ATP9B: variants seen among roughly 807,000 people sequenced by gnomAD.
ATP9B encodes the protein ATPase phospholipid transporting 9B, also known as probable phospholipid-transporting ATPase IIB.
ATP9B carries 110 observed loss-of-function variants against 146.1 expected under a neutral mutation model. The ratio of observed to expected loss-of-function variants is 0.75; its 90% confidence interval spans 0.65 to 0.88. The LOEUF is 0.88. ATP9B is among the 40% of genes least tolerant of loss of function. The pLI is 0.00. For synonymous variants in ATP9B, 604 were observed against 569.7 expected (o/e 1.06, Z -0.86); for missense variants, 1,499 against 1,496.4 (o/e 1.00, Z -0.03).
chr18:79,112,447 A>G (rs1209945762), intron 3 of ATP9B, among the ~76,000 whole-genome samples: 2 of 152,176 alleles, frequency 1.3e-5, no homozygotes, highest in Middle Eastern at 3.2e-3. Flanking sequence ...ATTTAAAGTG[A>G]AAACCAAAAC....
At chr18:79,336,151 G>A (rs537468771) in intron 17 of ATP9B, among the ~76,000 whole-genome samples, 5 of 149,168 alleles carry the variant, frequency 3.4e-5, no homozygotes, top group Admixed American at 2.7e-4. Context: ...CCCCAGCACC[G>A]CCGTGTGCAC....
At chr18:79,317,372 TTGTAGGAAATG>T (rs1386571698) in intron 15 of ATP9B, among the ~76,000 whole-genome samples, 1 of 152,088 alleles carries the variant, frequency 6.6e-6, no homozygotes, top group African/African-American at 2.4e-5. Context: ...AGCCAGAGAC[TTGTAGGAAATG>T]TTTGCAGAAT....
intron 8 of ATP9B, among the ~76,000 whole-genome samples, chr18:79,190,729 A>G (rs1371464889): frequency 6.6e-6 from 1 of 152,102 alleles, no homozygotes; most frequent in African/African-American, 2.4e-5. Context: ...TATTTTTAGT[A>G]GAGACGGAGT....
chr18:79,371,751 G>C (rs535135773), intron 26 of ATP9B, among the ~76,000 whole-genome samples: 33 of 152,304 alleles, frequency 2.2e-4, no homozygotes, highest in African/African-American at 7.9e-4. Context: ...GCTGTCTTCT[G>C]TGTCCCCTGA....
At chr18:79,371,201 C>T (rs1183210012) in intron 26 of ATP9B, among the ~76,000 whole-genome samples, 2 of 151,904 alleles carry the variant, frequency 1.3e-5, no homozygotes. Context: ...GTGAAACCCC[C>T]TCTCTACTGA....
chr18:79,102,469 C>T (rs1355129544), intron 2 of ATP9B, among the ~76,000 whole-genome samples: 2 of 152,096 alleles, frequency 1.3e-5, no homozygotes, highest in African/African-American at 4.8e-5. Context: ...CTGTCTGTGG[C>T]CTTGGTTCTG....
intron 11 of ATP9B, among the ~76,000 whole-genome samples, chr18:79,246,294 CGGAGGGCACCGCCCTACTGACTGA>C (rs1196388444): frequency 1.1e-4 from 9 of 84,338 alleles, no homozygotes; most frequent in South Asian, 9.1e-4. Flanking sequence ...ACTGTCTGTG[CGGAGGGCACCGCCCTACTGACTGA>C]GGAGGGCACC....
At chr18:79,275,545 A>G (rs149402475) in intron 12 of ATP9B, among the ~76,000 whole-genome samples, 2 of 152,242 alleles carry the variant, frequency 1.3e-5, no homozygotes, top group Non-Finnish European at 2.9e-5. Context: ...TTTGGCAGGC[A>G]GCAGTTCACA....
chr18:79,167,079 G>A (rs114985389), intron 7 of ATP9B, among the ~76,000 whole-genome samples: 31 of 152,280 alleles, frequency 2.0e-4, no homozygotes, highest in African/African-American at 6.7e-4. Context: ...GCTAGGAACC[G>A]CAGATCCCCA....
chr18:79,234,002 G>A (rs1225733614), intron 11 of ATP9B, among the ~76,000 whole-genome samples: 1 of 152,176 alleles, frequency 6.6e-6, no homozygotes, highest in Non-Finnish European at 1.5e-5. Context: ...CTGAGGAGGA[G>A]GAGGAAGGAG....
chr18:79,324,627 C>G (rs1599990683), intron 15 of ATP9B, among the ~76,000 whole-genome samples: 1 of 152,182 alleles, frequency 6.6e-6, no homozygotes, highest in African/African-American at 2.4e-5. Context: ...GGAGGACCAA[C>G]AGGTGCTGAC....
rs549389870 is a variant in ATP9B, at chr18:79,069,964, G to C, written c.119+435G>C. On this transcript the variant is annotated intron_variant, in intron 1 of 29. Coordinates refer to ENST00000426216, the MANE Select transcript of ATP9B (RefSeq NM_198531.5). ...TTAAAAACACACTTCTTATTGAAAT[G>C]ACTTCTCTTCGACATTTCGATATCT... is the stretch of plus-strand genomic sequence containing the variant. Among the ~76,000 whole-genome samples, 3 of 152,338 alleles carry C rather than the reference G, an allele frequency of 2.0e-5. No homozygotes were observed. In the South Asian group the frequency reaches 6.2e-4, roughly 32 times the overall value.
At chr18:79,207,825 G>A (rs904559469) in intron 10 of ATP9B, among the ~76,000 whole-genome samples, 5 of 152,118 alleles carry the variant, frequency 3.3e-5, no homozygotes, top group South Asian at 2.1e-4. Flanking sequence ...GGGGCAAGGC[G>A]GTTCCATATC....
intron 14 of ATP9B, among the ~76,000 whole-genome samples, chr18:79,304,177 C>T (rs1957544738): frequency 6.6e-6 from 1 of 152,006 alleles, no homozygotes; most frequent in Admixed American, 6.6e-5. Flanking sequence ...GTCATCAGTG[C>T]CCAGGTGGTG....
chr18:79,236,690 C>T (rs1033777507), intron 11 of ATP9B, among the ~76,000 whole-genome samples: 3 of 152,222 alleles, frequency 2.0e-5, no homozygotes, highest in Non-Finnish European at 4.4e-5. Context: ...GCTGCCCCTT[C>T]CCCACTGTGT....
intron 12 of ATP9B, among the ~76,000 whole-genome samples, chr18:79,274,928 G>T (rs955679837): frequency 1.2e-4 from 19 of 152,252 alleles, no homozygotes; most frequent in African/African-American, 4.6e-4. Flanking sequence ...TGAGCCATAG[G>T]CCCCTCGTGA....
chr18:79,143,877 T>A lies in ATP9B; in HGVS notation c.726+17T>A, dbSNP rs768941354. 6.6e-7 allele frequency: 1 copy of A among 1,523,032 alleles called. No homozygotes were observed. The highest frequency in any genetic ancestry group is 1.2e-5 in the South Asian group (1 of 81,684). The allele number at this position is 1,523,032 out of a possible 1,614,324, so 94.3% of individuals were successfully genotyped here. A position where few individuals can be genotyped will look rare whatever the true frequency, so the allele number is the denominator to read the frequency against. On this transcript the variant is annotated intron_variant, in intron 6 of 29. Transcript: ENST00000426216. Reference sequence around the variant, plus strand: ...GTGGAAAAGGTTGATGATTTTTTAATATATTTTAGACCTATGTATGCTAGT... The same window carrying A: ...GTGGAAAAGGTTGATGATTTTTTAAAATATTTTAGACCTATGTATGCTAGT...
At chr18:79,287,178 G>C (rs2096453217) in intron 13 of ATP9B, among the ~76,000 whole-genome samples, 1 of 152,190 alleles carries the variant, frequency 6.6e-6, no homozygotes, top group African/African-American at 2.4e-5. Flanking sequence ...GATTGGAATA[G>C]TTTCAGAAGG....
chr18:79,097,292 CCT>C (rs113888717), intron 2 of ATP9B, among the ~76,000 whole-genome samples: 20,228 of 151,624 alleles, frequency 0.13, 1,417 homozygotes, highest in East Asian at 0.2. Flanking sequence ...GGCCTATACT[CCT>C]CTGGTATATC....
Sources: allele counts gnomAD v4.1 joint callset (sites outside exome capture counted in the v4.1 genomes callset), GRCh38; gene constraint gnomAD v4.1.1; transcripts MANE v1.5; gene names NCBI Gene and HGNC (gene_info 2026-07-23, HGNC 2026-07-21).